SLC7A14: variants seen among roughly 807,000 people sequenced by gnomAD.
SLC7A14 encodes gamma-aminobutyric acid transporter SLC7A14.
Under a neutral mutation model 60.2 loss-of-function variants are expected in SLC7A14, and 37 were observed. The observed-to-expected ratio is 0.61, with a 90% CI of 0.47 to 0.81. The LOEUF is 0.81. Among genes scored for constraint, SLC7A14 ranks in the 30% least tolerant of loss-of-function variants. SLC7A14 has a pLI of 0.00. For missense variants in SLC7A14, 886 were observed against 982.7 expected (o/e 0.90, Z 1.32); for synonymous variants, 399 against 395.8 (o/e 1.01, Z -0.10).
intron 2 of SLC7A14, among the ~76,000 whole-genome samples, chr3:170,510,059 G>C (rs1712919384): frequency 7.9e-6 from 1 of 125,892 alleles, no homozygotes; most frequent in Admixed American, 9.0e-5. Flanking sequence ...GCCTGGACAA[G>C]AGCAAAACTC....
intron 1 of SLC7A14, among the ~76,000 whole-genome samples, chr3:170,536,464 C>T (rs1333468820): frequency 2.0e-5 from 3 of 152,184 alleles, no homozygotes; most frequent in Non-Finnish European, 2.9e-5. Flanking sequence ...TTTCCCAAAC[C>T]TTCCAGTTAC....
chr3:170,475,199 T>C (rs530548320), intron 7 of SLC7A14, among the ~76,000 whole-genome samples: 1 of 152,360 alleles, frequency 6.6e-6, no homozygotes, highest in East Asian at 1.9e-4. Context: ...CGTTTTACTC[T>C]CTGAGTTGTG....
intron 5 of SLC7A14, among the ~76,000 whole-genome samples, chr3:170,485,388 AC>A (rs1711992538): frequency 6.6e-6 from 1 of 152,036 alleles, no homozygotes; most frequent in Non-Finnish European, 1.5e-5. Context: ...CAGCAGCAGC[AC>A]CCCCCACTGC....
chr3:170,459,776 G>A lies in SLC7A14; in HGVS notation c.*7279C>T, dbSNP rs116372799. 303 of 152,156 alleles carry A rather than the reference G, an allele frequency of 2.0e-3. 1 individual carries two copies. Among genetic ancestry groups the A allele is most frequent in the African/African-American group, 7.0e-3 (292 of 41,522 alleles). The allele number at this position is 152,156 out of a possible 1,614,324, so 9.4% of individuals were successfully genotyped here. ...GGTTAAGGTTAACAAAATATGGGAA[G>A]GCTCCTTTTTCTTTTCTTTCTTTTT... On this transcript the variant is annotated 3_prime_UTR_variant, in exon 8 of 8. Coordinates refer to ENST00000231706, the MANE Select transcript of SLC7A14 (RefSeq NM_020949.3).
Position 170,467,253 on chromosome 3 carries a change from C to T in SLC7A14, c.2118G>A (p.Glu706=), listed in dbSNP as rs928344981. The part of the protein sequence containing the change: ...YDVDDPFSVE[E]GFSYATEGES... ...CGCCCTCTGTGGCGTAGGAGAAACCCTCCTCCACTGAGAAGGGGTCATCCA... is the reference window on the plus strand; with the variant it reads ...CGCCCTCTGTGGCGTAGGAGAAACCTTCCTCCACTGAGAAGGGGTCATCCA... The change falls in exon 8 of 8, where the codon GAG becomes GAA. Residue 706 remains glutamate (E), a synonymous_variant. Coordinates refer to ENST00000231706, the MANE Select transcript of SLC7A14 (RefSeq NM_020949.3). The T allele has an allele frequency of 2.5e-6, 4 of 1,614,152 alleles. No homozygotes were observed. Among genetic ancestry groups the T allele is most frequent in the Admixed American group, 1.7e-5 (1 of 60,014 alleles).
chr3:170,557,133 G>A lies in SLC7A14; in HGVS notation c.-153+28778C>T, dbSNP rs1348068671. Among the ~76,000 whole-genome samples, 38 of 152,176 alleles carry A rather than the reference G, an allele frequency of 2.5e-4. 2 individuals are homozygous for A. Among genetic ancestry groups the A allele is most frequent in the Admixed American group, 2.5e-3 (38 of 15,272 alleles). On this transcript the variant is annotated intron_variant, in intron 1 of 7. Transcript: ENST00000231706. ...ATGATGCACAGTTCTCCTACTGAGT[G>A]TATTGTGTGGTAGCTTCCTGCCTTA... is the stretch of plus-strand genomic sequence containing the variant.
intron 1 of SLC7A14, among the ~76,000 whole-genome samples, chr3:170,547,361 A>G (rs1451501440): frequency 6.6e-6 from 1 of 152,238 alleles, no homozygotes; most frequent in African/African-American, 2.4e-5. Context: ...TGTGCAGCCT[A>G]AAATCTGCAT....
intron 1 of SLC7A14, among the ~76,000 whole-genome samples, chr3:170,566,618 T>C (rs924461182): frequency 3.3e-5 from 5 of 152,194 alleles, no homozygotes; most frequent in Non-Finnish European, 5.9e-5. Flanking sequence ...ACTGTCCCTG[T>C]CACAACCACT....
At chr3:170,547,988 G>A (rs1166893160) in intron 1 of SLC7A14, among the ~76,000 whole-genome samples, 1 of 152,152 alleles carries the variant, frequency 6.6e-6, no homozygotes, top group East Asian at 1.9e-4. Flanking sequence ...AAGTTAATGG[G>A]CATGCATGTT....
chr3:170,479,064 G>C (rs1443299976), intron 7 of SLC7A14, among the ~76,000 whole-genome samples: 1 of 152,174 alleles, frequency 6.6e-6, no homozygotes, highest in Admixed American at 6.5e-5. Context: ...GGAGGTTGCA[G>C]TGGGCCATGA....
rs561052325 is a variant in SLC7A14, at chr3:170,490,154, C to G, written c.760-3786G>C. On this transcript the variant is annotated intron_variant, in intron 4 of 7. Coordinates refer to ENST00000231706, the MANE Select transcript of SLC7A14 (RefSeq NM_020949.3). ...GAGGAGATGGACACCCCATTCTCCA[C>G]GATGTGCTTATTTCACATTGCATGC... Among the ~76,000 whole-genome samples the G allele has an allele frequency of 5.3e-5, 8 of 152,270 alleles. 1 individual carries two copies. The highest frequency in any genetic ancestry group is 1.9e-4 in the African/African-American group (8 of 41,552).
intron 2 of SLC7A14, among the ~76,000 whole-genome samples, chr3:170,521,304 T>C (rs771536632): frequency 2.4e-4 from 36 of 152,234 alleles, no homozygotes; most frequent in Admixed American, 5.9e-4. Flanking sequence ...CTGGTTTGCA[T>C]AGCATGGGGA....
intron 1 of SLC7A14, among the ~76,000 whole-genome samples, chr3:170,568,974 C>G (rs1364373958): frequency 1.3e-5 from 2 of 152,182 alleles, no homozygotes; most frequent in Non-Finnish European, 2.9e-5. Flanking sequence ...AATTTGACTT[C>G]CTCGTTTCCT....
chr3:170,498,425 T>C lies in SLC7A14; in HGVS notation c.759+242A>G, dbSNP rs191407045. On this transcript the variant is annotated intron_variant, in intron 4 of 7. Coordinates refer to ENST00000231706, the MANE Select transcript of SLC7A14 (RefSeq NM_020949.3). ...TAGGCAATTGCAGGTTGCCAAAACA[T>C]TGAATCTATTATTATTATTTGTATA... Among the ~76,000 whole-genome samples, 36 of 152,294 alleles carry C rather than the reference T, an allele frequency of 2.4e-4. 1 individual carries two copies. In the East Asian group the frequency reaches 4.2e-3, roughly 18 times the overall value.
Position 170,462,869 on chromosome 3 carries a change from T to C in SLC7A14, c.*4186A>G, listed in dbSNP as rs1739636222. The C allele has an allele frequency of 1.3e-5, 2 of 152,236 alleles. No individual in the cohort carries two copies. The highest frequency in any genetic ancestry group is 4.1e-4 in the South Asian group (2 of 4,832). 9.4% of individuals were successfully genotyped at this position (152,236 alleles called of 1,614,324 possible). A position where few individuals can be genotyped will look rare whatever the true frequency, so the allele number is the denominator to read the frequency against. On this transcript the variant is annotated 3_prime_UTR_variant, in exon 8 of 8. Transcript: ENST00000231706. Reference sequence around the variant, plus strand: ...ACTTTAAAGTGGCTGTTAAATTGTGTTGCTTGTCCACGTATTAAATGGCTG... The same window carrying C: ...ACTTTAAAGTGGCTGTTAAATTGTGCTGCTTGTCCACGTATTAAATGGCTG...
intron 7 of SLC7A14, among the ~76,000 whole-genome samples, chr3:170,474,375 G>T (rs963270036): frequency 1.7e-4 from 26 of 152,234 alleles, no homozygotes; most frequent in Middle Eastern, 3.4e-3. Context: ...TGCTCCGCCC[G>T]CTCTGCATCT....
chr3:170,474,867 T>C (rs1711565176), intron 7 of SLC7A14, among the ~76,000 whole-genome samples: 1 of 152,200 alleles, frequency 6.6e-6, no homozygotes, highest in African/African-American at 2.4e-5. Context: ...AATTCCTACA[T>C]GGCAAATCCT....
intron 7 of SLC7A14, 35 bp downstream of exon 7, chr3:170,480,254 A>AGG (rs773211938): frequency 7.3e-6 from 11 of 1,511,576 alleles, no homozygotes; most frequent in Admixed American, 2.3e-5. Context: ...AGACCTTAAA[A>AGG]GGGAACTCTT....
chr3:170,511,537 AAGGACAGGTGTTAC>A (rs1265530491), intron 2 of SLC7A14, among the ~76,000 whole-genome samples: 4 of 152,310 alleles, frequency 2.6e-5, no homozygotes, highest in Admixed American at 6.5e-5. Context: ...TGAGTCATCG[AAGGACAGGTGTTAC>A]AGTTCCTGAC....
Sources: allele counts gnomAD v4.1 joint callset (sites outside exome capture counted in the v4.1 genomes callset), GRCh38; gene constraint gnomAD v4.1.1; transcripts MANE v1.5; gene names NCBI Gene and HGNC (gene_info 2026-07-23, HGNC 2026-07-21).